Variants in PLPP4 observed in about 807,000 individuals in gnomAD.
PLPP4 encodes the protein phospholipid phosphatase 4.
In PLPP4, 20 loss-of-function variants were observed where a neutral mutation model predicts 32.2. The observed-to-expected ratio is 0.62, with a 90% CI of 0.44 to 0.90. The LOEUF is 0.90. Ranked by LOEUF, PLPP4 falls within the 40% of genes least tolerant of loss-of-function variation. The pLI is 0.00. For synonymous variants in PLPP4, 127 were observed against 133.0 expected, an observed-to-expected ratio of 0.95 and a Z score of 0.31; for missense variants, 257 against 353.1, an observed-to-expected ratio of 0.73 and a Z score of 2.18.
chr10:120,556,803 C>G (rs925111196), intron 5 of PLPP4, among the ~76,000 whole-genome samples: 1 of 152,064 alleles, frequency 6.6e-6, no homozygotes, highest in Non-Finnish European at 1.5e-5. Flanking sequence ...ATTCAAACCT[C>G]GGCACTAGAT....
intron 5 of PLPP4, among the ~76,000 whole-genome samples, chr10:120,565,357 T>C (rs1589892493): frequency 7.6e-6 from 1 of 132,274 alleles, no homozygotes; most frequent in Non-Finnish European, 1.7e-5. Context: ...TGTGTGTGTG[T>C]GTGTGCTGTA....
intron 5 of PLPP4, among the ~76,000 whole-genome samples, chr10:120,538,194 G>A (rs1847153879): frequency 6.7e-6 from 1 of 149,700 alleles, no homozygotes; most frequent in African/African-American, 2.5e-5. Context: ...GGCCTCCACA[G>A]CAAACATTTC....
intron 5 of PLPP4, among the ~76,000 whole-genome samples, chr10:120,541,457 A>G (rs1047410308): frequency 6.6e-6 from 1 of 152,202 alleles, no homozygotes; most frequent in African/African-American, 2.4e-5. Flanking sequence ...ACTTTTGTCT[A>G]ATGCAACACT....
At chr10:120,514,218 G>A (rs1165860457) in intron 3 of PLPP4, among the ~76,000 whole-genome samples, 1 of 152,210 alleles carries the variant, frequency 6.6e-6, no homozygotes, top group Non-Finnish European at 1.5e-5. Flanking sequence ...GTCGCTGTCC[G>A]TTGTGCTGAA....
chr10:120,509,682 T>C (rs1399491568), intron 2 of PLPP4, among the ~76,000 whole-genome samples: 2 of 152,170 alleles, frequency 1.3e-5, no homozygotes, highest in African/African-American at 4.8e-5. Flanking sequence ...CTCATCTCTC[T>C]GAGTTTTAGT....
chr10:120,573,316 A>G (rs997160265), intron 5 of PLPP4, among the ~76,000 whole-genome samples: 5 of 152,174 alleles, frequency 3.3e-5, no homozygotes, highest in Non-Finnish European at 5.9e-5. Context: ...AAACCACTGT[A>G]ACTTTGTTTA....
At chr10:120,516,524 A>G (rs1390408085) in intron 3 of PLPP4, among the ~76,000 whole-genome samples, 1 of 149,086 alleles carries the variant, frequency 6.7e-6, no homozygotes, top group Non-Finnish European at 1.5e-5. Context: ...AACAAAAGTA[A>G]CAACAAAAGC....
chr10:120,514,036 G>A, intron 3 of PLPP4, 35 bp downstream of exon 3: 2 of 1,448,628 alleles, frequency 1.4e-6, no homozygotes, highest in Non-Finnish European at 1.9e-6. Flanking sequence ...TAGGGAATGG[G>A]GCTGACCTTA....
chr10:120,532,960 T>C (rs1314115955), intron 5 of PLPP4, among the ~76,000 whole-genome samples: 1 of 152,160 alleles, frequency 6.6e-6, no homozygotes, highest in Non-Finnish European at 1.5e-5. Context: ...AGTTTTTGTG[T>C]GGATATATGT....
At chr10:120,558,494 C>T (rs1234470374) in intron 5 of PLPP4, among the ~76,000 whole-genome samples, 1 of 150,818 alleles carries the variant, frequency 6.6e-6, no homozygotes, top group East Asian at 1.9e-4. Flanking sequence ...CTGCGACCTG[C>T]AACCTCCACC....
intron 1 of PLPP4, among the ~76,000 whole-genome samples, chr10:120,499,276 C>A (rs893168587): frequency 3.9e-5 from 6 of 152,032 alleles, no homozygotes; most frequent in Non-Finnish European, 8.8e-5. Flanking sequence ...TGTGCCTTTT[C>A]ATTTTGTTTT....
chr10:120,533,242 T>G (rs1167735103), intron 5 of PLPP4, among the ~76,000 whole-genome samples: 1 of 152,204 alleles, frequency 6.6e-6, no homozygotes, highest in East Asian at 1.9e-4. Flanking sequence ...ATTATGATTT[T>G]GATTTATGTT....
At chr10:120,510,934 T>C (rs1845701100) in intron 2 of PLPP4, among the ~76,000 whole-genome samples, 1 of 152,150 alleles carries the variant, frequency 6.6e-6, no homozygotes, top group Non-Finnish European at 1.5e-5. Context: ...CATCTTGCAA[T>C]CACACAGACA....
rs1267407483 is a variant in PLPP4, at chr10:120,513,975, A to C, written c.230A>C (p.Lys77Thr). The change falls in exon 3 of 7, where the codon AAG (lysine) becomes ACG (threonine). Residue 77 changes from lysine to threonine, a missense_variant. Transcript: ENST00000398250. ...GTGAAAATTATCCGGCGAACAGACA[A>C]GACTGAAATTAAGGAAGCCTTCTTA... is the stretch of plus-strand genomic sequence containing the variant. Reference protein sequence around the residue: ...CVVKIIRRTDKTEIKEAFLAV... With the variant: ...CVVKIIRRTDTTEIKEAFLAV... 1.1e-5 allele frequency: 17 copies of C among 1,613,888 alleles called. No individual in the cohort carries two copies. The highest frequency in any genetic ancestry group is 1.3e-5 in the Non-Finnish European group (15 of 1,179,880).
intron 1 of PLPP4, among the ~76,000 whole-genome samples, chr10:120,489,545 G>A (rs925581952): frequency 6.6e-5 from 10 of 152,284 alleles, no homozygotes; most frequent in South Asian, 2.1e-4. Flanking sequence ...TGGGTGTGGC[G>A]GTCTGGATGG....
chr10:120,471,755 G>T (rs1019825336), intron 1 of PLPP4, among the ~76,000 whole-genome samples: 1 of 151,916 alleles, frequency 6.6e-6, no homozygotes, highest in African/African-American at 2.4e-5. Flanking sequence ...TTATTAATAT[G>T]GTTGAATTTA....
intron 1 of PLPP4, among the ~76,000 whole-genome samples, chr10:120,474,751 T>A (rs1422493910): frequency 6.6e-6 from 1 of 152,188 alleles, no homozygotes; most frequent in Non-Finnish European, 1.5e-5. Flanking sequence ...ATGATAATGA[T>A]GAGAACAATG....
At chr10:120,483,301 G>A (rs1218335511) in intron 1 of PLPP4, among the ~76,000 whole-genome samples, 1 of 152,164 alleles carries the variant, frequency 6.6e-6, no homozygotes, top group African/African-American at 2.4e-5. Flanking sequence ...CTTGCAGACA[G>A]CCTATCATGG....
chr10:120,476,001 A>G (rs1483383181), intron 1 of PLPP4, among the ~76,000 whole-genome samples: 2 of 152,124 alleles, frequency 1.3e-5, no homozygotes, highest in Admixed American at 6.5e-5. Context: ...ATTGGGTCCT[A>G]CTGTGCCAGG....
Sources: gnomAD v4.1 joint callset for allele counts (sites outside exome capture counted in the v4.1 genomes callset) on GRCh38, gnomAD v4.1.1 for gene constraint, MANE v1.5 for transcripts, NCBI Gene and HGNC (gene_info 2026-07-23, HGNC 2026-07-21) for gene names.